CREB5: variants seen among roughly 807,000 people sequenced by gnomAD.
CREB5 encodes cyclic AMP-responsive element-binding protein 5.
In CREB5, 19 loss-of-function variants were observed where a neutral mutation model predicts 57.1. The ratio of observed to expected loss-of-function variants is 0.33; its 90% confidence interval spans 0.23 to 0.49. The LOEUF is 0.49. CREB5 is among the 20% of genes least tolerant of loss of function. The probability of loss-of-function intolerance (pLI) is 0.99; values close to 1 mark genes in which losing one functional copy is unlikely to be tolerated. For missense variants in CREB5, 579 were observed against 671.6 expected, an observed-to-expected ratio of 0.86 and a Z score of 1.52; for synonymous variants, 238 against 238.3, an observed-to-expected ratio of 1.00 and a Z score of 0.01.
In CREB5 at chr7:28,818,969, A is replaced by T. The variant is rs1386111429; in HGVS notation, c.1364-147A>T. On this transcript the variant is annotated intron_variant, in intron 10 of 10. Coordinates refer to ENST00000357727, the MANE Select transcript of CREB5 (RefSeq NM_182898.4). ...GACAACAGTTGAAAATAAAGTTTTGAAATTAACTTTCAGAAGAAAATGTGT... is the reference window on the plus strand; with the variant it reads ...GACAACAGTTGAAAATAAAGTTTTGTAATTAACTTTCAGAAGAAAATGTGT... 3.1e-6 allele frequency: 3 copies of T among 956,584 alleles called. No homozygotes were observed. In the Admixed American group the frequency reaches 8.3e-5, roughly 26 times the overall value. 59.3% of individuals were successfully genotyped at this position (956,584 alleles called of 1,614,324 possible). A position where few individuals can be genotyped will look rare whatever the true frequency, so the allele number is the denominator to read the frequency against.
chr7:28,398,182 C>T (rs1394692768), intron 1 of CREB5, among the ~76,000 whole-genome samples: 1 of 152,104 alleles, frequency 6.6e-6, no homozygotes, highest in African/African-American at 2.4e-5. Flanking sequence ...CAGGCTCTAC[C>T]ACCTTTAATG....
At chr7:28,744,150 T>G (rs1447467079) in intron 7 of CREB5, among the ~76,000 whole-genome samples, 1 of 146,848 alleles carries the variant, frequency 6.8e-6, no homozygotes, top group Admixed American at 6.8e-5. Flanking sequence ...GGTTTCCAAT[T>G]TCATCCATGT....
intron 5 of CREB5, among the ~76,000 whole-genome samples, chr7:28,624,165 A>G (rs114105762): frequency 0.015 from 2,217 of 152,344 alleles, 48 homozygotes; most frequent in African/African-American, 0.049. Flanking sequence ...CAAATGAAAT[A>G]TTGAGGCCAA....
At chr7:28,597,052 T>C (rs1363558642) in intron 5 of CREB5, among the ~76,000 whole-genome samples, 1 of 152,222 alleles carries the variant, frequency 6.6e-6, no homozygotes, top group East Asian at 1.9e-4. Flanking sequence ...GTGTGGTTAA[T>C]GGATAGTTAA....
intron 7 of CREB5, 94 bp from the exon 8 acceptor site, chr7:28,804,105 A>G (rs1046264852): frequency 8.7e-7 from 1 of 1,151,624 alleles, no homozygotes; most frequent in Non-Finnish European, 1.3e-6. Context: ...CGTAAAATAT[A>G]GAATTGAAAA....
intron 5 of CREB5, among the ~76,000 whole-genome samples, chr7:28,660,384 T>G (rs1437296537): frequency 6.7e-6 from 1 of 149,882 alleles, no homozygotes; most frequent in Non-Finnish European, 1.5e-5. Flanking sequence ...TTCAACAGTT[T>G]TTTTTTTTTT....
At chr7:28,420,916 T>A (rs1430894320) in intron 1 of CREB5, among the ~76,000 whole-genome samples, 1 of 151,966 alleles carries the variant, frequency 6.6e-6, no homozygotes, top group Non-Finnish European at 1.5e-5. Flanking sequence ...ATTCCCCAGA[T>A]GGGGGAAAAT....
intron 4 of CREB5, among the ~76,000 whole-genome samples, chr7:28,552,409 G>A (rs115377078): frequency 1.3e-5 from 2 of 152,138 alleles, no homozygotes; most frequent in Non-Finnish European, 2.9e-5. Context: ...AGGCCATCCC[G>A]AGACTATGGA....
At chr7:28,709,574 T>C (rs1802299211) in intron 5 of CREB5, among the ~76,000 whole-genome samples, 1 of 152,074 alleles carries the variant, frequency 6.6e-6, no homozygotes, top group South Asian at 2.1e-4. Flanking sequence ...TCCGCCTAAG[T>C]AGATGCAGTG....
chr7:28,326,331 G>C (rs1239646825), intron 1 of CREB5, among the ~76,000 whole-genome samples: 1 of 152,072 alleles, frequency 6.6e-6, no homozygotes, highest in Non-Finnish European at 1.5e-5. Flanking sequence ...CTAGCAGTGA[G>C]AATCCTGGCT....
chr7:28,387,383 G>A (rs567241414), intron 1 of CREB5, among the ~76,000 whole-genome samples: 2 of 152,112 alleles, frequency 1.3e-5, no homozygotes, highest in African/African-American at 4.8e-5. Context: ...CTTTTGAGAA[G>A]TATTTGTTCA....
chr7:28,626,317 T>G lies in CREB5; in HGVS notation c.464+55780T>G, dbSNP rs139289730. ...AAGAGTTCAAATTTGAATTGAAAAT[T>G]TCCTGGTAGTCTCTTGGAAAATAGC... On this transcript the variant is annotated intron_variant, in intron 5 of 10. Coordinates refer to ENST00000357727, the MANE Select transcript of CREB5 (RefSeq NM_182898.4). Among the ~76,000 whole-genome samples the G allele has an allele frequency of 3.8e-3, 578 of 152,334 alleles. 2 individuals are homozygous for G. Among genetic ancestry groups the G allele is most frequent in the South Asian group, 8.3e-3 (40 of 4,826 alleles).
rs1167347947 is a variant in CREB5 at position 28,370,697 on chromosome 7, G to A, written c.-25+71256G>A. ...AAAATGTACGCACGTGAACACATACGCACTGTAGCTCCAGTGACTTCTGGG... is the reference window on the plus strand; with the variant it reads ...AAAATGTACGCACGTGAACACATACACACTGTAGCTCCAGTGACTTCTGGG... On this transcript the variant is annotated intron_variant, in intron 1 of 9. Coordinates refer to the CREB5 transcript ENST00000396299. Among the ~76,000 whole-genome samples the A allele has an allele frequency of 3.3e-5, 5 of 152,242 alleles. No homozygotes were observed. The South Asian group carries it at 6.2e-4, about 19-fold the overall frequency.
intron 4 of CREB5, among the ~76,000 whole-genome samples, chr7:28,563,858 G>C (rs556353674): frequency 6.6e-6 from 1 of 152,136 alleles, no homozygotes; most frequent in East Asian, 1.9e-4. Flanking sequence ...AATGCTAGGA[G>C]GGAGAGGTGG....
At chr7:28,768,866 C>CTGAG (rs1269117197) in intron 7 of CREB5, among the ~76,000 whole-genome samples, 1 of 152,342 alleles carries the variant, frequency 6.6e-6, no homozygotes, top group East Asian at 1.9e-4. Context: ...TTGATTAGAT[C>CTGAG]TGAGTTGAGC....
At chr7:28,408,381 A>G (rs1011757019), upstream of CREB5, among the ~76,000 whole-genome samples, 4 of 152,136 alleles carry the variant, frequency 2.6e-5, no homozygotes, top group African/African-American at 9.7e-5. Flanking sequence ...ATCCTACTCA[A>G]AGGGAGAACT....
intron 9 of CREB5, among the ~76,000 whole-genome samples, chr7:28,810,864 C>A (rs951396035): frequency 2.0e-5 from 3 of 152,078 alleles, no homozygotes; most frequent in African/African-American, 7.2e-5. Context: ...TTCCAGTGTA[C>A]AAATTGAAAG....
intron 1 of CREB5, among the ~76,000 whole-genome samples, chr7:28,329,387 C>T (rs954204011): frequency 2.0e-5 from 3 of 152,188 alleles, no homozygotes; most frequent in African/African-American, 7.2e-5. Context: ...CTCCTACTGG[C>T]CTTCCAGCTG....
At chr7:28,450,742 T>A (rs1337525558) in intron 1 of CREB5, among the ~76,000 whole-genome samples, 1 of 152,224 alleles carries the variant, frequency 6.6e-6, no homozygotes, top group Non-Finnish European at 1.5e-5. Flanking sequence ...TTGTCTTAAG[T>A]CTTGGCAAAA....
Sources: gnomAD v4.1 joint callset for allele counts (sites outside exome capture counted in the v4.1 genomes callset) on GRCh38, gnomAD v4.1.1 for gene constraint, MANE v1.5 for transcripts, NCBI Gene and HGNC (gene_info 2026-07-23, HGNC 2026-07-21) for gene names.